The following VIL1 variants were observed in gnomAD, a reference collection of about 807,000 sequenced individuals.
VIL1 encodes the protein villin 1.
In VIL1, 86 loss-of-function variants were observed where a neutral mutation model predicts 104.0. The ratio of observed to expected loss-of-function variants is 0.83; its 90% CI spans 0.69 to 0.99. The LOEUF (loss-of-function observed/expected upper bound fraction) is 0.99. VIL1 is among the 50% of genes least tolerant of loss of function. The pLI, the probability that VIL1 is intolerant of heterozygous loss-of-function variation, is 0.00. For synonymous variants in VIL1, 394 were observed against 412.6 expected, an observed-to-expected ratio of 0.95 and a Z score of 0.55; for missense variants, 944 against 1,054.1, an observed-to-expected ratio of 0.90 and a Z score of 1.45.
Position 218,449,388 on chromosome 2 carries a change from A to G in VIL1, c.*52A>G. On this transcript the variant is annotated 3_prime_UTR_variant, in exon 20 of 20. Coordinates refer to ENST00000248444, the MANE Select transcript of VIL1 (RefSeq NM_007127.3). ...TACCCTACCCTGATTGTAGGGTCTC[A>G]TTTTCTCACCGATATTAGTCCTACA... The G allele has an allele frequency of 1.4e-6, 2 of 1,428,056 alleles. No homozygotes were observed. Among genetic ancestry groups the G allele is most frequent in the South Asian group, 1.1e-5 (1 of 87,002 alleles). The allele number at this position is 1,428,056 out of a possible 1,614,324, so 88.5% of individuals were successfully genotyped here. A position where few individuals can be genotyped will look rare whatever the true frequency, so the allele number is the denominator to read the frequency against.
Position 218,436,644 on chromosome 2 carries a change from G to A in VIL1, c.1971+18G>A. 6.2e-7 allele frequency: 1 copy of A among 1,609,688 alleles called. No homozygotes were observed. The highest frequency in any genetic ancestry group is 8.5e-7 in the Non-Finnish European group (1 of 1,177,806). ...GGGACCAGGTAGGACCAAGGGCCTGGGGACCCCTCTTCCCAGCCACCTCAA... is the reference window on the plus strand; with the variant it reads ...GGGACCAGGTAGGACCAAGGGCCTGAGGACCCCTCTTCCCAGCCACCTCAA... On this transcript the variant is annotated intron_variant, in intron 16 of 19. Coordinates refer to ENST00000248444, the MANE Select transcript of VIL1 (RefSeq NM_007127.3).
chr2:218,441,517 A>G (rs1276677878), intron 19 of VIL1, among the ~76,000 whole-genome samples: 1 of 152,204 alleles, frequency 6.6e-6, no homozygotes, highest in Admixed American at 6.5e-5. Context: ...TGAAGCCCAA[A>G]GGCAAGGAAT....
In VIL1 at chr2:218,423,766, A is replaced by G. The variant is rs1360050888; in HGVS notation, c.-11-2A>G. Reference sequence around the variant, plus strand: ...CCCTGCTCCCAACGCCTTCTCCCCCAGGCTCACTCACCATGACCAAGCTGA... The same window carrying G: ...CCCTGCTCCCAACGCCTTCTCCCCCGGGCTCACTCACCATGACCAAGCTGA... On this transcript the variant is annotated splice_acceptor_variant, in intron 1 of 19. Transcript: ENST00000248444. LOFTEE classifies it low-confidence loss of function (5UTR_SPLICE). The G allele has an allele frequency of 6.8e-6, 11 of 1,613,956 alleles. No homozygotes were observed. Among genetic ancestry groups the G allele is most frequent in the African/African-American group, 1.3e-5 (1 of 75,036 alleles).
chr2:218,424,133 TTTC>T, intron 2 of VIL1, 141 bp from the exon 3 acceptor site: 1 of 722,058 alleles, frequency 1.4e-6, no homozygotes, highest in Non-Finnish European at 2.3e-6. Context: ...CCCTCACAGT[TTTC>T]TTCTCCTCTC....
chr2:218,430,969 C>A, intron 10 of VIL1, 91 bp downstream of exon 10: 2 of 1,493,476 alleles, frequency 1.3e-6, no homozygotes, highest in East Asian at 2.5e-5. Flanking sequence ...CCTTCCCTGA[C>A]GTGCATCTTC....
At chr2:218,419,246 T>G (rs1282300133) in intron 1 of VIL1, 78 bp downstream of exon 1, 3 of 152,336 alleles carry the variant, frequency 2.0e-5, no homozygotes, top group Admixed American at 6.5e-5. Context: ...CTCGGGCAAC[T>G]TGGGGCCTCC....
chr2:218,431,960 A>T lies in VIL1; in HGVS notation c.1203+3A>T. On this transcript the variant is annotated splice_donor_region_variant and intron_variant, in intron 11 of 19. Coordinates refer to ENST00000248444, the MANE Select transcript of VIL1 (RefSeq NM_007127.3). Reference sequence around the variant, plus strand: ...ATGATGGGAGTGGGGAAGTGCAGGTATGTGAGGGCAGAGAGGCCCGTGCTG... The same window carrying T: ...ATGATGGGAGTGGGGAAGTGCAGGTTTGTGAGGGCAGAGAGGCCCGTGCTG... 6.2e-7 allele frequency: 1 copy of T among 1,613,958 alleles called. No individual in the cohort carries two copies.
intron 8 of VIL1, 69 bp from the exon 9 acceptor site, chr2:218,429,780 T>G: frequency 6.3e-7 from 1 of 1,588,494 alleles, no homozygotes; most frequent in African/African-American, 1.3e-5. Flanking sequence ...GGAGAGACTT[T>G]TTTGTGTGTG....
chr2:218,419,307 G>T (rs1215902442), intron 1 of VIL1, 139 bp downstream of exon 1: 1 of 152,188 alleles, frequency 6.6e-6, no homozygotes, highest in East Asian at 1.9e-4. Context: ...TCTGGATAGC[G>T]TGAGAAGTGC....
At chr2:218,440,211 TAAAGA>T (rs994025722) in intron 18 of VIL1, among the ~76,000 whole-genome samples, 4 of 152,184 alleles carry the variant, frequency 2.6e-5, no homozygotes, top group East Asian at 1.9e-4. Context: ...AATGAATCGT[TAAAGA>T]AAAGAGTCAT....
chr2:218,433,782 T>C (rs942236329), intron 13 of VIL1, among the ~76,000 whole-genome samples: 1 of 151,686 alleles, frequency 6.6e-6, no homozygotes, highest in Non-Finnish European at 1.5e-5. Flanking sequence ...TAGTGCACAC[T>C]TGTAATCCCA....
Position 218,440,798 on chromosome 2 carries a change from T to C in VIL1, c.2306T>C (p.Leu769Pro). 6.2e-7 allele frequency: 1 copy of C among 1,613,880 alleles called. No homozygotes were observed. The highest frequency in any genetic ancestry group is 8.5e-7 in the Non-Finnish European group (1 of 1,179,958). Reference protein sequence around the residue: ...LSSGPLPIFPLEQLVNKPVEE... With the variant: ...LSSGPLPIFPPEQLVNKPVEE... Reference sequence around the variant, plus strand: ...TCTGGGCCTCTGCCCATCTTCCCCCTGGAGCAGCTAGTGAACAAGCCTGTA... The same window carrying C: ...TCTGGGCCTCTGCCCATCTTCCCCCCGGAGCAGCTAGTGAACAAGCCTGTA... Residue 769 changes from leucine to proline, a missense_variant, in exon 19 of 20, where the codon CTG becomes CCG. Transcript: ENST00000248444.
rs1424486496 is a variant in VIL1 at position 218,432,188 on chromosome 2, G to A, written c.1341+5G>A. ...TACCTGCTCTACGTTTGGCAGGTCA[G>A]GTCCCGCCACGTCCCACCCAGAGCA... is the stretch of plus-strand genomic sequence containing the variant. On this transcript the variant is annotated splice_donor_5th_base_variant and intron_variant, in intron 12 of 19. Transcript: ENST00000248444. 1.2e-6 allele frequency: 2 copies of A among 1,610,456 alleles called. No homozygotes were observed. The highest frequency in any genetic ancestry group is 1.7e-6 in the Non-Finnish European group (2 of 1,178,988).
chr2:218,424,663 A>G (rs2004348), intron 3 of VIL1, among the ~76,000 whole-genome samples: 2 of 148,878 alleles, frequency 1.3e-5, no homozygotes, highest in East Asian at 3.9e-4. Context: ...TTCTTTTTTT[A>G]AAATTTTTTT....
At chr2:218,430,177 C>T (rs1689071314) in intron 9 of VIL1, among the ~76,000 whole-genome samples, 1 of 152,160 alleles carries the variant, frequency 6.6e-6, no homozygotes, top group Non-Finnish European at 1.5e-5. Flanking sequence ...GAGCCAACCA[C>T]CAGGCAACCC....
intron 15 of VIL1, among the ~76,000 whole-genome samples, chr2:218,436,100 A>G (rs1689184800): frequency 1.3e-5 from 2 of 152,154 alleles, no homozygotes; most frequent in African/African-American, 2.4e-5. Context: ...CAGCCTCCCA[A>G]AATGCTAGGA....
At chr2:218,429,704 A>G in intron 8 of VIL1, 29 bp downstream of exon 8, 3 of 1,613,228 alleles carry the variant, frequency 1.9e-6, no homozygotes, top group Non-Finnish European at 2.5e-6. Flanking sequence ...CCCTCAGCCT[A>G]CTGCAGCCTG....
chr2:218,438,078 T>C (rs1277424609), intron 17 of VIL1, among the ~76,000 whole-genome samples: 1 of 152,234 alleles, frequency 6.6e-6, no homozygotes, highest in Admixed American at 6.5e-5. Flanking sequence ...CAAGGCAGCA[T>C]ATCGAGATGC....
rs1689438521 is a variant in VIL1, at chr2:218,449,781, T to A, written c.*445T>A. On this transcript the variant is annotated 3_prime_UTR_variant, in exon 20 of 20. Transcript: ENST00000248444. ...TTTTCCTTTTCACATATACTTTCCTTACTGCCTTACTCAGTGGGTAAGTTA... is the reference window on the plus strand; with the variant it reads ...TTTTCCTTTTCACATATACTTTCCTAACTGCCTTACTCAGTGGGTAAGTTA... The A allele has an allele frequency of 5.8e-6, 1 of 171,272 alleles. No homozygotes were observed. The highest frequency in any genetic ancestry group is 1.3e-5 in the Non-Finnish European group (1 of 78,022). 10.6% of individuals were successfully genotyped at this position (171,272 alleles called of 1,614,324 possible).
Sources: allele counts gnomAD v4.1 joint callset (sites outside exome capture counted in the v4.1 genomes callset), GRCh38; gene constraint gnomAD v4.1.1; transcripts MANE v1.5; gene names NCBI Gene and HGNC (gene_info 2026-07-23, HGNC 2026-07-21).